TRIM71: variants seen among roughly 807,000 people sequenced by gnomAD.
TRIM71 encodes the protein tripartite motif containing 71.
In TRIM71, 9 loss-of-function variants were observed where a neutral mutation model predicts 61.2. That is an observed-to-expected ratio of 0.15 (90% CI 0.09 to 0.26). TRIM71 has a LOEUF of 0.26. Among genes scored for constraint, TRIM71 ranks in the 10% least tolerant of loss-of-function variants. TRIM71 has a pLI of 1.00. For missense variants in TRIM71, 998 were observed against 1,238.7 expected (o/e 0.81, Z 2.92); for synonymous variants, 645 against 553.2 (o/e 1.17, Z -2.33).
chr3:32,829,644 G>GTGTGTGTGTGTGTT, intron 1 of TRIM71, among the ~76,000 whole-genome samples: 1 of 151,774 alleles, frequency 6.6e-6, no homozygotes, highest in Non-Finnish European at 1.5e-5. Flanking sequence ...GTGTGTGTGT[G>GTGTGTGTGTGTGTT]TGTGTGTTTG....
chr3:32,818,022 T>C lies in TRIM71; in HGVS notation c.-59T>C. On this transcript the variant is annotated 5_prime_UTR_variant, in exon 1 of 4. Transcript: ENST00000383763. Reference sequence around the variant, plus strand: ...ACTCCCCCACCCACCTCGTCCGCTCTCTCCTCCTCCTCCTCCTCTTCCTCT... The same window carrying C: ...ACTCCCCCACCCACCTCGTCCGCTCCCTCCTCCTCCTCCTCCTCTTCCTCT... The C allele has an allele frequency of 2.6e-6, 4 of 1,532,758 alleles. No homozygotes were observed. The highest frequency in any genetic ancestry group is 2.7e-6 in the Non-Finnish European group (3 of 1,115,818). 94.9% of individuals were successfully genotyped at this position (1,532,758 alleles called of 1,614,324 possible).
In TRIM71 at chr3:32,894,305, G is replaced by A. The variant is rs757952097; in HGVS notation, c.*2494G>A. 1.5e-4 allele frequency: 23 copies of A among 152,106 alleles called. No individual in the cohort carries two copies. The highest frequency in any genetic ancestry group is 3.1e-4 in the Non-Finnish European group (21 of 68,012). The allele number at this position is 152,106 out of a possible 1,614,324, so 9.4% of individuals were successfully genotyped here. The stretch of plus-strand genomic sequence containing the variant: ...TCTTTTCTTTCTAATTTCCCCAGAT[G>A]TAGGAAAATTTTGGGACCTGAATGA... On this transcript the variant is annotated 3_prime_UTR_variant, in exon 4 of 4. Coordinates refer to ENST00000383763, the MANE Select transcript of TRIM71 (RefSeq NM_001039111.3).
At chr3:32,843,877 C>T (rs1217778591) in intron 1 of TRIM71, among the ~76,000 whole-genome samples, 1 of 152,000 alleles carries the variant, frequency 6.6e-6, no homozygotes, top group African/African-American at 2.4e-5. Context: ...GGGCCCTGCC[C>T]GCCCACCCTG....
intron 1 of TRIM71, among the ~76,000 whole-genome samples, chr3:32,853,465 C>T (rs956285444): frequency 1.3e-5 from 2 of 152,106 alleles, no homozygotes; most frequent in Admixed American, 6.5e-5. Context: ...ATTTATTTAA[C>T]CATTATTAAC....
intron 1 of TRIM71, among the ~76,000 whole-genome samples, chr3:32,845,695 T>C (rs1696462785): frequency 6.8e-6 from 1 of 147,648 alleles, no homozygotes; most frequent in Admixed American, 7.0e-5. Context: ...CAAATTGCCA[T>C]GCGACCTAGG....
intron 1 of TRIM71, among the ~76,000 whole-genome samples, chr3:32,821,613 T>C (rs1198316968): frequency 6.6e-6 from 1 of 152,226 alleles, no homozygotes; most frequent in Admixed American, 6.5e-5. Flanking sequence ...TTATTTTGGC[T>C]TATTTCAACA....
intron 1 of TRIM71, among the ~76,000 whole-genome samples, chr3:32,824,382 G>A (rs1425107830): frequency 2.6e-5 from 4 of 151,014 alleles, no homozygotes; most frequent in Middle Eastern, 3.4e-3. Context: ...AAGTAGAGAC[G>A]GGGTTTCACC....
At chr3:32,889,884 G>T (rs754829213) in intron 3 of TRIM71, among the ~76,000 whole-genome samples, 10 of 144,798 alleles carry the variant, frequency 6.9e-5, no homozygotes, top group Admixed American at 2.8e-4. Flanking sequence ...AGGCGTGCGT[G>T]TATGTGTGTG....
chr3:32,824,108 A>G (rs1696173256), intron 1 of TRIM71, among the ~76,000 whole-genome samples: 1 of 152,132 alleles, frequency 6.6e-6, no homozygotes, highest in South Asian at 2.1e-4. Context: ...AGATTAGGTA[A>G]AAATTGCCAT....
Position 32,895,224 on chromosome 3 carries a change from C to G in TRIM71, c.*3413C>G, listed in dbSNP as rs1219281457. ...ACTCAAGTTGACTAGAGCACAGTGACCTGGGTTGTACCCCAAGTGCACTAA... is the reference window on the plus strand; with the variant it reads ...ACTCAAGTTGACTAGAGCACAGTGAGCTGGGTTGTACCCCAAGTGCACTAA... On this transcript the variant is annotated 3_prime_UTR_variant, in exon 4 of 4. Transcript: ENST00000383763. 1 of 152,216 alleles carries G rather than the reference C, an allele frequency of 6.6e-6. No homozygotes were observed. Among genetic ancestry groups the G allele is most frequent in the Non-Finnish European group, 1.5e-5 (1 of 68,046 alleles). The allele number at this position is 152,216 out of a possible 1,614,324, so 9.4% of individuals were successfully genotyped here. A position where few individuals can be genotyped will look rare whatever the true frequency, so the allele number is the denominator to read the frequency against.
At chr3:32,868,701 A>T (rs75426738) in intron 1 of TRIM71, among the ~76,000 whole-genome samples, 6,524 of 134,110 alleles carry the variant, frequency 0.049, 289 homozygotes, top group East Asian at 0.24. Flanking sequence ...TTTTTTTTTT[A>T]AAAAACTGTT....
intron 1 of TRIM71, among the ~76,000 whole-genome samples, chr3:32,865,936 C>T (rs143818492): frequency 0.017 from 2,526 of 149,832 alleles, 59 homozygotes; most frequent in East Asian, 0.13. Context: ...AAGCGATTCT[C>T]CTGCCTCAGC....
At chr3:32,866,086 A>G (rs1696733455) in intron 1 of TRIM71, among the ~76,000 whole-genome samples, 1 of 151,554 alleles carries the variant, frequency 6.6e-6, no homozygotes, top group Non-Finnish European at 1.5e-5. Flanking sequence ...TCAGCCTCCC[A>G]AAGTGCTGGG....
At chr3:32,849,592 C>T (rs1178683244) in intron 1 of TRIM71, among the ~76,000 whole-genome samples, 1 of 151,734 alleles carries the variant, frequency 6.6e-6, no homozygotes, top group African/African-American at 2.4e-5. Context: ...CTCCTGGCCT[C>T]AAGTGATCCA....
intron 1 of TRIM71, among the ~76,000 whole-genome samples, chr3:32,828,497 G>A (rs1046510891): frequency 7.4e-6 from 1 of 134,700 alleles, no homozygotes; most frequent in Non-Finnish European, 1.6e-5. Context: ...GAAGGCAATT[G>A]TAAACTTTTT....
intron 1 of TRIM71, among the ~76,000 whole-genome samples, chr3:32,850,220 G>A (rs1208946546): frequency 6.6e-6 from 1 of 152,190 alleles, no homozygotes; most frequent in Non-Finnish European, 1.5e-5. Context: ...ATAGGAGGAT[G>A]TGGTGGTTAG....
At chr3:32,874,081 G>A in intron 2 of TRIM71, 96 bp downstream of exon 2, 1 of 1,359,494 alleles carries the variant, frequency 7.4e-7, no homozygotes, top group Admixed American at 2.2e-5. Context: ...TCCAGTGTGG[G>A]GGGTGGAATA....
Position 32,890,636 on chromosome 3 carries a change from G to C in TRIM71, c.1432G>C (p.Val478Leu). Reference protein sequence around the residue: ...LYLAIKSFGFVSSGAFAPLTK... With the variant: ...LYLAIKSFGFLSSGAFAPLTK... Reference sequence around the variant, plus strand: ...CCTTGCCATCAAGTCTTTTGGCTTTGTTAGCAGCGGGGCCTTTGCCCCACT... The same window carrying C: ...CCTTGCCATCAAGTCTTTTGGCTTTCTTAGCAGCGGGGCCTTTGCCCCACT... The change falls in exon 4 of 4, where the codon GTT becomes CTT. Residue 478 changes from valine (V) to leucine (L), a missense_variant. By Grantham distance (32) the Val-to-Leu change is conservative. This residue lies in a region of TRIM71 where 291 missense variants were observed against 431.2 expected (regional missense o/e 0.67). Coordinates refer to ENST00000383763, the MANE Select transcript of TRIM71 (RefSeq NM_001039111.3). This position sits in a 1 kb window ranked among gnomAD's most constrained non-coding sequence, Gnocchi z 6.2. The C allele has an allele frequency of 1.9e-6, 3 of 1,613,910 alleles. No individual in the cohort carries two copies. Among genetic ancestry groups the C allele is most frequent in the East Asian group, 2.2e-5 (1 of 44,884 alleles).
At chr3:32,864,301 G>GT (rs1212559128) in intron 1 of TRIM71, among the ~76,000 whole-genome samples, 57 of 152,306 alleles carry the variant, frequency 3.7e-4, no homozygotes, top group African/African-American at 1.3e-3. Context: ...TGAGTATTGT[G>GT]TAGTGTAACT....
Sources: gnomAD v4.1 joint callset for allele counts (sites outside exome capture counted in the v4.1 genomes callset) on GRCh38, gnomAD v4.1.1 for gene constraint, gnomAD v4.1.1 regional missense constraint, Gnocchi (gnomAD v3.1) non-coding constraint, MANE v1.5 for transcripts, NCBI Gene and HGNC (gene_info 2026-07-23, HGNC 2026-07-21) for gene names.